DPP10: variants seen among roughly 807,000 people sequenced by gnomAD.
DPP10 encodes inactive dipeptidyl peptidase 10.
In DPP10, 33 loss-of-function variants were observed where a neutral mutation model predicts 120.9. The observed-to-expected ratio is 0.27, with a 90% CI of 0.21 to 0.37. The LOEUF is 0.37. DPP10 is among the 10% of genes least tolerant of loss of function. The pLI is 1.00. For missense variants in DPP10, 816 were observed against 942.8 expected (o/e 0.87, Z 1.76); for synonymous variants, 337 against 326.1 (o/e 1.03, Z -0.36).
chr2:115,654,845 T>C (rs536421663), intron 5 of DPP10, among the ~76,000 whole-genome samples: 2 of 151,814 alleles, frequency 1.3e-5, no homozygotes, highest in East Asian at 3.9e-4. Flanking sequence ...ATGTAACAGA[T>C]GAAGTAGCTG....
At chr2:115,767,104 G>A (rs959313801) in intron 12 of DPP10, among the ~76,000 whole-genome samples, 4 of 152,078 alleles carry the variant, frequency 2.6e-5, no homozygotes, top group South Asian at 2.1e-4. Context: ...TTTATATAGG[G>A]TAATAAGGAA....
intron 1 of DPP10, among the ~76,000 whole-genome samples, chr2:115,167,676 A>G (rs1030685113): frequency 2.6e-5 from 4 of 152,068 alleles, no homozygotes; most frequent in African/African-American, 9.6e-5. Context: ...AAGTTTACAG[A>G]CAACCATATT....
chr2:115,556,173 T>C (rs1418269258), intron 5 of DPP10, among the ~76,000 whole-genome samples: 1 of 152,060 alleles, frequency 6.6e-6, no homozygotes, highest in Non-Finnish European at 1.5e-5. Flanking sequence ...GAGCAACCTT[T>C]TTTTTGTTTA....
chr2:115,727,739 T>A, intron 7 of DPP10, 77 bp from the exon 8 acceptor site: 1 of 1,450,284 alleles, frequency 6.9e-7, no homozygotes, highest in Non-Finnish European at 9.1e-7. Flanking sequence ...TATTCAGTGA[T>A]CATTCTGTAA....
At chr2:114,881,925 A>C (rs535844282) in intron 1 of DPP10, among the ~76,000 whole-genome samples, 41 of 152,256 alleles carry the variant, frequency 2.7e-4, no homozygotes, top group Middle Eastern at 6.8e-3. Flanking sequence ...AATGATCATC[A>C]AAATCCAAAC....
intron 3 of DPP10, among the ~76,000 whole-genome samples, chr2:115,402,091 A>G (rs2068112840): frequency 6.6e-6 from 1 of 152,172 alleles, no homozygotes; most frequent in Non-Finnish European, 1.5e-5. Flanking sequence ...CTTGGACTTC[A>G]GGACAAAGAA....
chr2:115,301,939 G>A (rs1318304673), intron 1 of DPP10, among the ~76,000 whole-genome samples: 4 of 151,782 alleles, frequency 2.6e-5, no homozygotes, highest in Non-Finnish European at 2.9e-5. Context: ...GTATGAGTTC[G>A]TTTTGACATT....
intron 1 of DPP10, among the ~76,000 whole-genome samples, chr2:114,626,725 A>G (rs928389103): frequency 2.0e-5 from 3 of 152,128 alleles, no homozygotes; most frequent in Admixed American, 2.0e-4. Context: ...AAGAAAAAGT[A>G]CACTACCAAG....
intron 1 of DPP10, among the ~76,000 whole-genome samples, chr2:114,870,501 G>T (rs1340919305): frequency 5.3e-5 from 8 of 151,896 alleles, no homozygotes; most frequent in Non-Finnish European, 2.9e-5. Flanking sequence ...AAAAAATCAG[G>T]TATATTTTAA....
At chr2:115,838,716 A>G (rs1459101380) in intron 24 of DPP10, among the ~76,000 whole-genome samples, 2 of 152,114 alleles carry the variant, frequency 1.3e-5, no homozygotes, top group Admixed American at 6.5e-5. Flanking sequence ...TCACCCATCT[A>G]ATAAAATACA....
chr2:115,320,361 G>A (rs1451607971), intron 2 of DPP10, among the ~76,000 whole-genome samples: 1 of 152,034 alleles, frequency 6.6e-6, no homozygotes, highest in Non-Finnish European at 1.5e-5. Context: ...TTAAAATGAA[G>A]TAATTGTTTC....
intron 1 of DPP10, among the ~76,000 whole-genome samples, chr2:115,187,441 A>T (rs1296953936): frequency 6.6e-6 from 1 of 152,204 alleles, no homozygotes; most frequent in Non-Finnish European, 1.5e-5. Flanking sequence ...TTTTTCATAC[A>T]TACTAAATCT....
At chr2:115,064,863 G>A in intron 1 of DPP10, 1 of 1,299,150 alleles carries the variant, frequency 7.7e-7, no homozygotes, top group Non-Finnish European at 1.0e-6. Flanking sequence ...TTCTGATTGG[G>A]TTTCATTTAT....
chr2:115,828,867 C>T (rs1688644677), intron 21 of DPP10, among the ~76,000 whole-genome samples: 1 of 151,762 alleles, frequency 6.6e-6, no homozygotes. Flanking sequence ...TTGGATTGTC[C>T]ATTTATCCAT....
chr2:114,451,860 G>A (rs1224504692), intron 1 of DPP10, among the ~76,000 whole-genome samples: 5 of 152,080 alleles, frequency 3.3e-5, no homozygotes, highest in Admixed American at 3.3e-4. Context: ...CACGTTCCTG[G>A]TCTGTCTTTC....
intron 3 of DPP10, among the ~76,000 whole-genome samples, chr2:115,383,402 C>T (rs1187027393): frequency 6.6e-6 from 1 of 152,188 alleles, no homozygotes; most frequent in Non-Finnish European, 1.5e-5. Context: ...CCTCCCCAGC[C>T]ATGTGGAACT....
At chr2:114,887,054 G>A (rs1247202870) in intron 1 of DPP10, among the ~76,000 whole-genome samples, 1 of 151,962 alleles carries the variant, frequency 6.6e-6, no homozygotes, top group Non-Finnish European at 1.5e-5. Context: ...ATCTAATTTT[G>A]TCCATTCCAC....
At chr2:114,943,278 G>GA (rs947411360) in intron 1 of DPP10, among the ~76,000 whole-genome samples, 1 of 151,308 alleles carries the variant, frequency 6.6e-6, no homozygotes, top group African/African-American at 2.4e-5. Context: ...ATGTGCCACA[G>GA]TTTTTTTTTC....
intron 1 of DPP10, among the ~76,000 whole-genome samples, chr2:114,762,968 A>T (rs1294889059): frequency 6.6e-6 from 1 of 152,164 alleles, no homozygotes; most frequent in Admixed American, 6.5e-5. Flanking sequence ...TATGATATAT[A>T]TATGTCATAT....
Sources: allele counts gnomAD v4.1 joint callset (sites outside exome capture counted in the v4.1 genomes callset), GRCh38; gene constraint gnomAD v4.1.1; transcripts MANE v1.5; gene names NCBI Gene and HGNC (gene_info 2026-07-23, HGNC 2026-07-21).